TDRD5: variants seen among roughly 807,000 people sequenced by gnomAD.
TDRD5 encodes tudor domain containing 5, also known as tudor domain-containing protein 5.
A neutral mutation model predicts 120.6 loss-of-function variants in TDRD5; 41 were observed. That is an observed-to-expected ratio of 0.34 (90% CI 0.26 to 0.44). The LOEUF (loss-of-function observed/expected upper bound fraction) is 0.44. TDRD5 is among the 20% of genes least tolerant of loss of function. The pLI is 1.00. For missense variants in TDRD5, 1,006 were observed against 1,221.2 expected (o/e 0.82, Z 2.63); for synonymous variants, 430 against 433.7 (o/e 0.99, Z 0.11).
chr1:179,619,188 T>C (rs1676715171), intron 5 of TDRD5, among the ~76,000 whole-genome samples: 1 of 152,180 alleles, frequency 6.6e-6, no homozygotes, highest in South Asian at 2.1e-4. Flanking sequence ...TATTACTAAA[T>C]TGCCCTCTAA....
At chr1:179,618,484 T>A in intron 4 of TDRD5, 115 bp from the exon 5 acceptor site, 1 of 598,732 alleles carries the variant, frequency 1.7e-6, no homozygotes, top group Non-Finnish European at 2.8e-6. Context: ...TTTTGTCTAT[T>A]TAATTGCAAT....
chr1:179,608,731 T>C (rs1483727902), intron 4 of TDRD5, among the ~76,000 whole-genome samples: 1 of 149,804 alleles, frequency 6.7e-6, no homozygotes, highest in Non-Finnish European at 1.5e-5. Flanking sequence ...TCTGTGCCAT[T>C]TCTGTTTTTT....
intron 17 of TDRD5, among the ~76,000 whole-genome samples, chr1:179,689,945 C>T (rs1681028741): frequency 1.3e-5 from 2 of 152,180 alleles, no homozygotes; most frequent in African/African-American, 2.4e-5. Flanking sequence ...TTCCAGGTGC[C>T]ATCTGTCACG....
chr1:179,678,944 A>G (rs1452295157), intron 17 of TDRD5, among the ~76,000 whole-genome samples: 1 of 151,400 alleles, frequency 6.6e-6, no homozygotes, highest in Non-Finnish European at 1.5e-5. Flanking sequence ...ATTGTTGTTG[A>G]TCTTATAGGA....
intron 1 of TDRD5, 23 bp downstream of exon 1, chr1:179,592,148 T>C: frequency 6.3e-6 from 1 of 159,770 alleles, no homozygotes; most frequent in Non-Finnish European, 1.4e-5. Context: ...CGAAGATTGG[T>C]GGTACCTTCA....
At chr1:179,616,536 T>C (rs955204308) in intron 4 of TDRD5, among the ~76,000 whole-genome samples, 1 of 152,188 alleles carries the variant, frequency 6.6e-6, no homozygotes, top group Non-Finnish European at 1.5e-5. Context: ...TCTGTCTCCC[T>C]TGCTAAAAAT....
At chr1:179,643,326 A>G (rs10913844) in intron 11 of TDRD5, among the ~76,000 whole-genome samples, 65,225 of 151,712 alleles carry the variant, frequency 0.43, 14,140 homozygotes, top group Admixed American at 0.47. Context: ...TAGACATGGG[A>G]GAAAAAAAAA....
At chr1:179,637,403 AAAAATT>A (rs1194892497) in intron 9 of TDRD5, among the ~76,000 whole-genome samples, 1 of 152,176 alleles carries the variant, frequency 6.6e-6, no homozygotes. Context: ...ACAGAGTTCT[AAAAATT>A]AAAGTACTTG....
chr1:179,661,779 G>A (rs753767164), intron 14 of TDRD5, among the ~76,000 whole-genome samples: 3 of 152,224 alleles, frequency 2.0e-5, no homozygotes, highest in Middle Eastern at 3.4e-3. Context: ...GGTATATATT[G>A]TATAGATTTG....
Position 179,592,684 on chromosome 1 carries a change from A to G in TDRD5, c.69A>G (p.Lys23=). Residue 23 remains lysine, a synonymous_variant, in exon 2 of 18, where the codon AAA becomes AAG. Coordinates refer to ENST00000444136, the MANE Select transcript of TDRD5 (RefSeq NM_001199085.3). ...KEIRSLLIST[K]DGLSPQELEK... is the part of the protein sequence containing the mutation. ...TAAGGTCACTTCTCATTTCCACCAA[A>G]GATGGTTTGAGCCCACAGGAGTTGG... 1 of 1,614,074 alleles carries G rather than the reference A, an allele frequency of 6.2e-7. No homozygotes were observed.
At chr1:179,684,378 C>T (rs960828778) in intron 17 of TDRD5, among the ~76,000 whole-genome samples, 7 of 152,180 alleles carry the variant, frequency 4.6e-5, no homozygotes, top group African/African-American at 1.7e-4. Flanking sequence ...GACATGAACT[C>T]ATCCTTTTTT....
chr1:179,661,042 C>T (rs867887523), intron 14 of TDRD5, among the ~76,000 whole-genome samples: 4 of 152,148 alleles, frequency 2.6e-5, no homozygotes, highest in African/African-American at 9.7e-5. Context: ...GCAAAATCCA[C>T]AGTAATTGAA....
In TDRD5 at chr1:179,651,056, A is replaced by C. The variant is rs748092938; in HGVS notation, c.1990A>C (p.Ile664Leu). The C allele has an allele frequency of 1.2e-5, 20 of 1,614,104 alleles. No homozygotes were observed. The highest frequency in any genetic ancestry group is 1.6e-5 in the Non-Finnish European group (19 of 1,180,010). The part of the protein sequence containing the change: ...EGHAIVCREN[I>L]SSKGFSELNP... ...CCATGCTATTGTATGCCGAGAAAAT[A>C]TCTCTTCTAAGGTGGAGCAGTCTGG... Residue 664 changes from isoleucine (I) to leucine (L), a missense_variant, in exon 12 of 18, where the codon ATC (isoleucine) becomes CTC (leucine). Physicochemically the swap from Ile to Leu is conservative, Grantham distance 5. Transcript: ENST00000444136.
intron 14 of TDRD5, among the ~76,000 whole-genome samples, chr1:179,655,724 T>C (rs1678972181): frequency 6.6e-6 from 1 of 152,208 alleles, no homozygotes; most frequent in East Asian, 1.9e-4. Context: ...CTTTGGAGAC[T>C]GGCTTCTTTC....
chr1:179,650,491 T>G (rs527296102), intron 11 of TDRD5, among the ~76,000 whole-genome samples: 1 of 152,142 alleles, frequency 6.6e-6, no homozygotes, highest in Admixed American at 6.5e-5. Context: ...CCCTTCAATT[T>G]TGGCCTGATA....
intron 14 of TDRD5, among the ~76,000 whole-genome samples, chr1:179,660,432 G>C (rs946735115): frequency 1.3e-5 from 2 of 151,526 alleles, no homozygotes; most frequent in Admixed American, 1.3e-4. Context: ...GTGTTATCCA[G>C]GATGGTCTCA....
chr1:179,592,474 A>G lies in TDRD5; in HGVS notation c.-14-128A>G, dbSNP rs76241720. 8.2e-3 allele frequency: 5,786 copies of G among 706,370 alleles called. 185 individuals carry two copies. Among genetic ancestry groups the G allele is most frequent in the Admixed American group, 0.065 (2,426 of 37,110 alleles). 43.8% of individuals were successfully genotyped at this position (706,370 alleles called of 1,614,324 possible). ...CACGCGCAAGCCGCAGGGCACCCTC[A>G]TACTACTACTTCTGCCTTATTACCC... On this transcript the variant is annotated intron_variant, in intron 1 of 17. Coordinates refer to ENST00000444136, the MANE Select transcript of TDRD5 (RefSeq NM_001199085.3).
chr1:179,639,793 A>T, intron 9 of TDRD5, 46 bp from the exon 10 acceptor site: 1 of 1,572,514 alleles, frequency 6.4e-7, no homozygotes, highest in Non-Finnish European at 8.6e-7. Context: ...ATTATCTTTA[A>T]TTTTTTCTTC....
In TDRD5 at chr1:179,622,647, C is replaced by A. The variant is rs187050789; in HGVS notation, c.972+1556C>A. ...ATATCTGAAGTAAAAAATTCACTAA[C>A]AACAAATTGGAAATGGCAGAAGAAA... On this transcript the variant is annotated intron_variant, in intron 6 of 17. Transcript: ENST00000444136. Among the ~76,000 whole-genome samples the A allele has an allele frequency of 2.1e-3, 325 of 152,112 alleles. 2 individuals carry two copies. The highest frequency in any genetic ancestry group is 8.2e-3 in the Admixed American group (125 of 15,270).
Sources: allele counts gnomAD v4.1 joint callset (sites outside exome capture counted in the v4.1 genomes callset), GRCh38; gene constraint gnomAD v4.1.1; transcripts MANE v1.5; gene names NCBI Gene and HGNC (gene_info 2026-07-23, HGNC 2026-07-21).